Variants in MAP3K9 observed in about 807,000 individuals in gnomAD.
MAP3K9 encodes the protein mixed lineage kinase 1 (tyr and ser/thr specificity).
Under a neutral mutation model 95.8 loss-of-function variants are expected in MAP3K9, and 46 were observed. The ratio of observed to expected loss-of-function variants is 0.48; its 90% CI spans 0.38 to 0.61. The LOEUF is 0.61. MAP3K9 is among the 20% of genes least tolerant of loss of function. The pLI, the probability that MAP3K9 is intolerant of heterozygous loss-of-function variation, is 0.00. For missense variants in MAP3K9, 1,296 were observed against 1,474.3 expected, an observed-to-expected ratio of 0.88 and a Z score of 1.98; for synonymous variants, 533 against 593.8, an observed-to-expected ratio of 0.90 and a Z score of 1.49.
intron 2 of MAP3K9, among the ~76,000 whole-genome samples, chr14:70,776,156 T>G (rs2139815051): frequency 6.6e-6 from 1 of 151,844 alleles, no homozygotes; most frequent in Non-Finnish European, 1.5e-5. Flanking sequence ...GCCATTACAC[T>G]CCAGCCTGGG....
At chr14:70,789,671 C>T (rs1450035358) in intron 2 of MAP3K9, among the ~76,000 whole-genome samples, 2 of 152,176 alleles carry the variant, frequency 1.3e-5, no homozygotes, top group African/African-American at 2.4e-5. Flanking sequence ...CATTAGACCA[C>T]GGTGGTTCCC....
intron 3 of MAP3K9, among the ~76,000 whole-genome samples, chr14:70,757,682 G>A (rs1290671757): frequency 6.6e-6 from 1 of 152,116 alleles, no homozygotes; most frequent in Non-Finnish European, 1.5e-5. Flanking sequence ...AATTAAGAAA[G>A]GGTGGTATTG....
intron 5 of MAP3K9, among the ~76,000 whole-genome samples, chr14:70,745,027 C>T (rs905075071): frequency 6.6e-6 from 1 of 152,122 alleles, no homozygotes; most frequent in Non-Finnish European, 1.5e-5. Flanking sequence ...AATCAGGAAA[C>T]AGGAAAGAAA....
At chr14:70,756,761 G>A (rs796523879) in intron 3 of MAP3K9, among the ~76,000 whole-genome samples, 5 of 152,350 alleles carry the variant, frequency 3.3e-5, no homozygotes, top group African/African-American at 1.2e-4. Flanking sequence ...ATCTCATGGG[G>A]CACAGTTGCC....
chr14:70,772,193 C>G (rs963663255), intron 2 of MAP3K9, among the ~76,000 whole-genome samples: 1 of 152,220 alleles, frequency 6.6e-6, no homozygotes, highest in African/African-American at 2.4e-5. Context: ...CAGAGCTGCA[C>G]CGGGTTCCAC....
Position 70,730,432 on chromosome 14 carries a change from A to G in MAP3K9, c.3263T>C (p.Leu1088Pro), listed in dbSNP as rs1307993783. 3.1e-6 allele frequency: 5 copies of G among 1,614,058 alleles called. No individual in the cohort carries two copies. The highest frequency in any genetic ancestry group is 4.2e-6 in the Non-Finnish European group (5 of 1,180,022). ...DSTVPLCRAE[L>P]NTHRPAPYEI... ...ATAAGGGGCAGGCCTGTGTGTGTTC[A>G]GTTCCGCTCTGCACAGCGGCACGGT... Residue 1088 changes from leucine to proline, a missense_variant, in exon 12 of 12, where the codon CTG (leucine) becomes CCG (proline). Leu to Pro is a moderately conservative substitution (Grantham distance 98). Around this residue, in one of 5 missense-constraint regions of MAP3K9, gnomAD observed 433 missense variants for 441.4 expected, o/e 0.98. Transcript: ENST00000554752.
chr14:70,762,200 T>A (rs1253283506), intron 2 of MAP3K9, among the ~76,000 whole-genome samples: 1 of 152,230 alleles, frequency 6.6e-6, no homozygotes, highest in Non-Finnish European at 1.5e-5. Context: ...CTAGTGTGTA[T>A]GAACATGTGT....
intron 3 of MAP3K9, among the ~76,000 whole-genome samples, chr14:70,760,138 C>CGT (rs2054351801): frequency 1.0e-5 from 1 of 96,358 alleles, no homozygotes; most frequent in Non-Finnish European, 2.0e-5. Context: ...TTAAAATAAA[C>CGT]GTGCACACAC....
At chr14:70,794,989 C>CTTTTTTT (rs1566766253) in intron 2 of MAP3K9, among the ~76,000 whole-genome samples, 15 of 73,350 alleles carry the variant, frequency 2.0e-4, no homozygotes, top group Non-Finnish European at 3.5e-4. Flanking sequence ...TTTTTCTTTT[C>CTTTTTTT]CTTTTTTTTT....
Position 70,809,161 on chromosome 14 carries a change from G to C in MAP3K9, c.11C>G (p.Ser4Cys). 1 of 1,361,574 alleles carries C rather than the reference G, an allele frequency of 7.3e-7. No homozygotes were observed. The highest frequency in any genetic ancestry group is 9.4e-7 in the Non-Finnish European group (1 of 1,065,484). 84.3% of individuals were successfully genotyped at this position (1,361,574 alleles called of 1,614,324 possible). ...CGCTAGGCAGCCGAGAAGCGCTCTG[G>C]AGGGCTCCATGGAGCGGCCGATCCA... MEP[S>C]RALLGCLASA... Residue 4 changes from serine (S) to cysteine (C), a missense_variant, in exon 1 of 12, where the codon TCC becomes TGC. Transcript: ENST00000554752.
intron 2 of MAP3K9, among the ~76,000 whole-genome samples, chr14:70,774,983 CAAAAAAAAAAAAA>C (rs60144338): frequency 1.3e-3 from 73 of 55,116 alleles, no homozygotes; most frequent in African/African-American, 3.7e-3. Flanking sequence ...ACTCTGTCCC[CAAAAAAAAAAAAA>C]AAAAAAAAAA....
rs1216630516 is a variant in MAP3K9, at chr14:70,808,747, G to A, written c.406+19C>T. The A allele has an allele frequency of 6.7e-6, 6 of 893,124 alleles. No homozygotes were observed. The highest frequency in any genetic ancestry group is 2.0e-5 in the African/African-American group (1 of 48,848). 55.3% of individuals were successfully genotyped at this position (893,124 alleles called of 1,614,324 possible). On this transcript the variant is annotated intron_variant, in intron 1 of 11. Coordinates refer to ENST00000554752, the MANE Select transcript of MAP3K9 (RefSeq NM_001284230.2). Reference sequence around the variant, plus strand: ...CCTCCGTCATTCCCCCTCCCCGCCCGGCCCCGCCTTCGCCTTACACTGAAT... The same window carrying A: ...CCTCCGTCATTCCCCCTCCCCGCCCAGCCCCGCCTTCGCCTTACACTGAAT...
At chr14:70,769,066 C>A (rs7154907) in intron 2 of MAP3K9, among the ~76,000 whole-genome samples, 1 of 151,920 alleles carries the variant, frequency 6.6e-6, no homozygotes, top group African/African-American at 2.4e-5. Flanking sequence ...GTATATATGG[C>A]TGGGAGTGGT....
At chr14:70,801,220 C>A in intron 1 of MAP3K9, 140 bp from the exon 2 acceptor site, 2 of 754,244 alleles carry the variant, frequency 2.7e-6, no homozygotes, top group Non-Finnish European at 4.2e-6. Context: ...AAAGCAAATT[C>A]CATAAGGGCA....
In MAP3K9 at chr14:70,726,191, A is replaced by C. The variant is rs1277937951; in HGVS notation, c.*4189T>G. The C allele has an allele frequency of 6.6e-6, 1 of 152,314 alleles. No individual in the cohort carries two copies. Among genetic ancestry groups the C allele is most frequent in the African/African-American group, 2.4e-5 (1 of 41,452 alleles). The allele number at this position is 152,314 out of a possible 1,614,324, so 9.4% of individuals were successfully genotyped here. On this transcript the variant is annotated 3_prime_UTR_variant, in exon 12 of 12. Coordinates refer to ENST00000554752, the MANE Select transcript of MAP3K9 (RefSeq NM_001284230.2). The stretch of plus-strand genomic sequence containing the variant: ...ATTGCTCGGGAGGTGTCTCCTTCAC[A>C]CAAGGGAAGGAGGAGGGAGGGAGGT...
At chr14:70,730,974 T>C in intron 11 of MAP3K9, 110 bp from the exon 12 acceptor site, 1 of 1,219,424 alleles carries the variant, frequency 8.2e-7, no homozygotes, top group Non-Finnish European at 1.1e-6. Context: ...CAGGAGAACA[T>C]GAATCACCAA....
At chr14:70,739,880 G>A in intron 7 of MAP3K9, 162 bp downstream of exon 7, 1 of 1,580,182 alleles carries the variant, frequency 6.3e-7, no homozygotes, top group Non-Finnish European at 8.6e-7. Flanking sequence ...CAAGGGAGAG[G>A]GCTAAGGGTT....
In MAP3K9 at chr14:70,808,871, G is replaced by A; in HGVS notation, c.301C>T (p.Gln101Ter). Residue 101 changes from glutamine to a stop codon, truncating the protein, a stop_gained, in exon 1 of 12, where the codon CAG becomes TAG. Transcript: ENST00000554752. LOFTEE classifies it high-confidence loss of function. The stretch of plus-strand genomic sequence containing the variant: ...TTGCTGGGGAAGATGCCCACCCGCT[G>A]GTTCAGCTGCCCGGTCCACCAGCCC... ...DEGWWTGQLN[Q>*]RVGIFPSNYV... 1 of 1,600,322 alleles carries A rather than the reference G, an allele frequency of 6.2e-7. No individual in the cohort carries two copies.
chr14:70,809,402 T>G lies in MAP3K9; in HGVS notation c.-231A>C. On this transcript the variant is annotated 5_prime_UTR_variant, in exon 1 of 12. Transcript: ENST00000554752. Reference sequence around the variant, plus strand: ...CAGCCTAGGGGCGCAGCGGGCCGAGTCCCCGCCTGCCCGCTCGCCCCCCCG... The same window carrying G: ...CAGCCTAGGGGCGCAGCGGGCCGAGGCCCCGCCTGCCCGCTCGCCCCCCCG... 5.0e-6 allele frequency: 2 copies of G among 403,302 alleles called. No individual in the cohort carries two copies. Among genetic ancestry groups the G allele is most frequent in the Non-Finnish European group, 8.2e-6 (2 of 245,162 alleles). 25.0% of individuals were successfully genotyped at this position (403,302 alleles called of 1,614,324 possible).
Sources: gnomAD v4.1 joint callset for allele counts (sites outside exome capture counted in the v4.1 genomes callset) on GRCh38, gnomAD v4.1.1 for gene constraint, gnomAD v4.1.1 regional missense constraint, MANE v1.5 for transcripts, NCBI Gene and HGNC (gene_info 2026-07-23, HGNC 2026-07-21) for gene names.